The following PCED1A variants were observed in gnomAD, a reference collection of about 807,000 sequenced individuals.
PCED1A encodes the protein PC-esterase domain-containing protein 1A.
Under a neutral mutation model 41.9 loss-of-function variants are expected in PCED1A, and 20 were observed. The observed-to-expected ratio is 0.48, with a 90% CI of 0.34 to 0.69. The LOEUF (loss-of-function observed/expected upper bound fraction) is 0.69, where lower values mean the gene tolerates loss of function less well. Ranked by LOEUF, PCED1A falls within the 30% of genes least tolerant of loss-of-function variation. PCED1A has a pLI of 0.01. For missense variants in PCED1A, 498 were observed against 602.1 expected (o/e 0.83, Z 1.81); for synonymous variants, 236 against 241.3 (o/e 0.98, Z 0.20).
In PCED1A at chr20:2,840,216, C is replaced by A; in HGVS notation, c.-27G>T. ...CACCCGCTCGCGCCAATTACCAAGT[C>A]CCGGGGCTCCGCGGTGTTCACCCGC... On this transcript the variant is annotated 5_prime_UTR_variant, in exon 1 of 8. Transcript: ENST00000360652. 3.5e-6 allele frequency: 1 copy of A among 284,092 alleles called. No individual in the cohort carries two copies. The highest frequency in any genetic ancestry group is 6.5e-6 in the Non-Finnish European group (1 of 153,578). 17.6% of individuals were successfully genotyped at this position (284,092 alleles called of 1,614,324 possible).
chr20:2,836,408 G>T, intron 6 of PCED1A, 94 bp from the exon 7 acceptor site: 1 of 1,114,066 alleles, frequency 9.0e-7, no homozygotes. Context: ...CCTTCCTCTT[G>T]GAGAGCAGAG....
In PCED1A at chr20:2,840,351, C is replaced by T; in HGVS notation, c.-162G>A. ...TCGGTTCTGCAAAGCTCCCGCCCCG[C>T]AGAGACCGTGGGTCCAGGTTAGCCG... On this transcript the variant is annotated 5_prime_UTR_variant, in exon 1 of 8. Coordinates refer to ENST00000360652, the MANE Select transcript of PCED1A (RefSeq NM_022760.6). 3.6e-6 allele frequency: 1 copy of T among 276,690 alleles called. No individual in the cohort carries two copies. Among genetic ancestry groups the T allele is most frequent in the Non-Finnish European group, 6.9e-6 (1 of 145,758 alleles). The allele number at this position is 276,690 out of a possible 1,614,324, so 17.1% of individuals were successfully genotyped here.
intron 1 of PCED1A, 46 bp downstream of exon 1, chr20:2,840,165 G>C: frequency 2.7e-6 from 1 of 372,412 alleles, no homozygotes; most frequent in Non-Finnish European, 4.8e-6. Context: ...CTCGCCACGT[G>C]CCCGCCGCCG....
At chr20:2,836,802 C>G (rs1280930981) in intron 6 of PCED1A, among the ~76,000 whole-genome samples, 1 of 152,192 alleles carries the variant, frequency 6.6e-6, no homozygotes, top group African/African-American at 2.4e-5. Context: ...CTAACAAATT[C>G]CCTTCTTCTC....
At position 2,836,067 on chromosome 20, in the gene PCED1A, C is replaced by T. The variant is rs1273395272; in HGVS notation, c.1089G>A (p.Val363=). 1.3e-6 allele frequency: 2 copies of T among 1,504,370 alleles called. No homozygotes were observed. The highest frequency in any genetic ancestry group is 4.9e-5 in the East Asian group (2 of 41,060). 93.2% of individuals were successfully genotyped at this position (1,504,370 alleles called of 1,614,324 possible). A position where few individuals can be genotyped will look rare whatever the true frequency, so the allele number is the denominator to read the frequency against. ...PPHEFFNYNP[V]EDFSMPPHLG... is the part of the protein sequence containing the mutation. ...AGTGGGGTGGCATCGAGAAGTCCTC[C>T]ACTGGATTATAGTTGAAGAATTCAT... is the stretch of plus-strand genomic sequence containing the variant. Residue 363 remains valine (V), a synonymous_variant, in exon 7 of 8, where the codon GTG becomes GTA. Transcript: ENST00000360652.
rs1000677106 is a variant in PCED1A at position 2,840,464 on chromosome 20, A to T, written c.-275T>A. On this transcript the variant is annotated 5_prime_UTR_variant, in exon 1 of 8. Transcript: ENST00000360652. Reference sequence around the variant, plus strand: ...TCAGGCCTCGGCGCCTCGGGCTGCGACGCTCACAGCTTCCACTTCCGTTCA... The same window carrying T: ...TCAGGCCTCGGCGCCTCGGGCTGCGTCGCTCACAGCTTCCACTTCCGTTCA... The T allele has an allele frequency of 2.2e-6, 1 of 459,584 alleles. No individual in the cohort carries two copies. Among genetic ancestry groups the T allele is most frequent in the African/African-American group, 2.1e-5 (1 of 47,448 alleles). The allele number at this position is 459,584 out of a possible 1,614,324, so 28.5% of individuals were successfully genotyped here.
Position 2,835,523 on chromosome 20 carries a change from A to G in PCED1A, c.1304T>C (p.Leu435Pro). Residue 435 changes from leucine to proline, a missense_variant, in exon 8 of 8, where the codon CTG becomes CCG. Physicochemically the swap from Leu to Pro is moderately conservative, Grantham distance 98. Around this residue, in one of 2 missense-constraint regions of PCED1A, gnomAD observed 245 missense variants for 232.4 expected, o/e 1.05. Transcript: ENST00000360652. ...CRQRLRHSERLIHTYKLDRRP... is the reference protein window; with the variant it reads ...CRQRLRHSERPIHTYKLDRRP... ...TCTGTCCAGTTTGTATGTGTGGATCAGTCTCTCTGAGTGTCTGAGCCGCTG... is the reference window on the plus strand; with the variant it reads ...TCTGTCCAGTTTGTATGTGTGGATCGGTCTCTCTGAGTGTCTGAGCCGCTG... 1 of 1,613,978 alleles carries G rather than the reference A, an allele frequency of 6.2e-7. No homozygotes were observed. Among genetic ancestry groups the G allele is most frequent in the Admixed American group, 1.7e-5 (1 of 60,012 alleles).
chr20:2,836,629 A>G (rs2088840332), intron 6 of PCED1A, among the ~76,000 whole-genome samples: 1 of 152,148 alleles, frequency 6.6e-6, no homozygotes, highest in African/African-American at 2.4e-5. Flanking sequence ...AAATAAGCCA[A>G]ACATAAAGAT....
rs2088804601 is a variant in PCED1A, at chr20:2,835,438, T to C, written c.*24A>G. ...CAGGCCCTGAAGGGCCATTGGCACA[T>C]CCAGTCCCAGCCCAAGATCCAGTCT... On this transcript the variant is annotated 3_prime_UTR_variant, in exon 8 of 8. Transcript: ENST00000360652. 6.3e-7 allele frequency: 1 copy of C among 1,588,202 alleles called. No individual in the cohort carries two copies. The highest frequency in any genetic ancestry group is 1.7e-5 in the Admixed American group (1 of 58,834).
rs149287595 is a variant in PCED1A, at chr20:2,838,285, G to A, written c.788C>T (p.Thr263Ile). The change falls in exon 6 of 8, where the codon ACC becomes ATC. Residue 263 changes from threonine to isoleucine, a missense_variant. Around this residue, in one of 2 missense-constraint regions of PCED1A, gnomAD observed 253 missense variants for 369.7 expected, o/e 0.68. Coordinates refer to ENST00000360652, the MANE Select transcript of PCED1A (RefSeq NM_022760.6). The surrounding 1 kb of genome is among the most constrained non-coding windows in gnomAD (Gnocchi z 5.8). ...AHRHLSHLLL[T>I]HVADAWGVEL... is the part of the protein sequence containing the mutation. ...CACGCCCCAGGCGTCAGCCACATGG[G>A]TCAGAAGCAGGTGTGAGAGGTGGCG... 109 of 1,614,246 alleles carry A rather than the reference G, an allele frequency of 6.8e-5. 1 individual carries two copies. In the Middle Eastern group the frequency reaches 1.5e-3, roughly 22 times the overall value.
At chr20:2,840,978 G>A (rs2146631408), upstream of PCED1A, 1 of 732,526 alleles carries the variant, frequency 1.4e-6, no homozygotes, top group Non-Finnish European at 2.2e-6. Flanking sequence ...GCGCACAGCC[G>A]CCTTTGGGCA....
upstream of PCED1A, chr20:2,840,835 G>GCGCC: frequency 2.5e-5 from 38 of 1,523,730 alleles, no homozygotes; most frequent in Non-Finnish European, 2.7e-5. Context: ...CCGGTGAGCT[G>GCGCC]CCCCGCCCTC....
At position 2,835,378 on chromosome 20, in the gene PCED1A, A is replaced by G; in HGVS notation, c.*84T>C. ...AATGGACAAGAACAATACCAGGCAT[A>G]GCAGACACCCTAGCCCAGTACCTGA... is the stretch of plus-strand genomic sequence containing the variant. On this transcript the variant is annotated 3_prime_UTR_variant, in exon 8 of 8. Transcript: ENST00000360652. 1 of 1,478,636 alleles carries G rather than the reference A, an allele frequency of 6.8e-7. No homozygotes were observed. Among genetic ancestry groups the G allele is most frequent in the Non-Finnish European group, 9.1e-7 (1 of 1,103,042 alleles). The allele number at this position is 1,478,636 out of a possible 1,614,324, so 91.6% of individuals were successfully genotyped here.
chr20:2,835,670 G>A lies in PCED1A; in HGVS notation c.1157C>T (p.Pro386Leu), dbSNP rs1339029968. 6.3e-7 allele frequency: 1 copy of A among 1,584,620 alleles called. No homozygotes were observed. Among genetic ancestry groups the A allele is most frequent in the Non-Finnish European group, 8.6e-7 (1 of 1,160,500 alleles). Residue 386 changes from proline to leucine, a missense_variant, in exon 8 of 8, where the codon CCA (proline) becomes CTA (leucine). Physicochemically the swap from Pro to Leu is moderately conservative, Grantham distance 98. Coordinates refer to ENST00000360652, the MANE Select transcript of PCED1A (RefSeq NM_022760.6). ...GGGATTAGGGCCAGGGATTGGAGGT[G>A]GCAGAGGGCCAGGCACAAAGTTCAC... is the stretch of plus-strand genomic sequence containing the variant. ...PGVNFVPGPL[P>L]PPIPGPNPHG...
chr20:2,840,956 G>T, upstream of PCED1A: 1 of 887,352 alleles, frequency 1.1e-6, no homozygotes, highest in South Asian at 1.7e-5. Context: ...CTCCCCGAGC[G>T]TCTGCCACTT....
In PCED1A at chr20:2,839,885, G is replaced by A. The variant is rs963910735; in HGVS notation, c.28C>T (p.Pro10Ser). MVFCLSSEE[P>S]RRPLRSDMVH... is the part of the protein sequence containing the mutation. ...ATGTCGCTTCGCAGCGGGCGGCGCG[G>A]CTCCTCGCTCGACAGACAGAAGACC... The change falls in exon 2 of 8, where the codon CCG (proline) becomes TCG (serine). Residue 10 changes from proline to serine, a missense_variant. By Grantham distance (74) the Pro-to-Ser change is moderately conservative. Coordinates refer to ENST00000360652, the MANE Select transcript of PCED1A (RefSeq NM_022760.6). 8 of 1,613,206 alleles carry A rather than the reference G, an allele frequency of 5.0e-6. No individual in the cohort carries two copies. Among genetic ancestry groups the A allele is most frequent in the Admixed American group, 1.7e-5 (1 of 59,982 alleles).
At position 2,838,099 on chromosome 20, in the gene PCED1A, T is replaced by G; in HGVS notation, c.841+133A>C. Reference sequence around the variant, plus strand: ...AACCCTCCTCAGGGGTTGAGGAAGGTGCATGCAGAAGCCACAGGAGTCCTT... The same window carrying G: ...AACCCTCCTCAGGGGTTGAGGAAGGGGCATGCAGAAGCCACAGGAGTCCTT... On this transcript the variant is annotated intron_variant, in intron 6 of 7. Transcript: ENST00000360652. This position sits in a 1 kb window ranked among gnomAD's most constrained non-coding sequence, Gnocchi z 5.8. 7.5e-7 allele frequency: 1 copy of G among 1,325,866 alleles called. No homozygotes were observed. 82.1% of individuals were successfully genotyped at this position (1,325,866 alleles called of 1,614,324 possible). A position where few individuals can be genotyped will look rare whatever the true frequency, so the allele number is the denominator to read the frequency against.
Position 2,840,432 on chromosome 20 carries a change from C to T in PCED1A, c.-243G>A, listed in dbSNP as rs1412992295. 4.8e-5 allele frequency: 19 copies of T among 399,970 alleles called. No homozygotes were observed. Among genetic ancestry groups the T allele is most frequent in the Non-Finnish European group, 7.7e-5 (17 of 221,376 alleles). The allele number at this position is 399,970 out of a possible 1,614,324, so 24.8% of individuals were successfully genotyped here. A position where few individuals can be genotyped will look rare whatever the true frequency, so the allele number is the denominator to read the frequency against. ...CATGCGAGCGTCGCTGTGGCCCCGA[C>T]GGCGCCTCAGGCCTCGGCGCCTCGG... On this transcript the variant is annotated 5_prime_UTR_variant, in exon 1 of 8. Transcript: ENST00000360652.
chr20:2,835,795 G>A lies in PCED1A; in HGVS notation c.1118-86C>T. 2.7e-6 allele frequency: 4 copies of A among 1,502,974 alleles called. No homozygotes were observed. The South Asian group carries it at 5.5e-5, about 21-fold the overall frequency. The allele number at this position is 1,502,974 out of a possible 1,614,324, so 93.1% of individuals were successfully genotyped here. A position where few individuals can be genotyped will look rare whatever the true frequency, so the allele number is the denominator to read the frequency against. ...TTGAAGCAACTCTTGTCCTCCAGGT[G>A]AGCTTCTCTGTTTCCCTATCTACAA... On this transcript the variant is annotated intron_variant, in intron 7 of 7. Coordinates refer to ENST00000360652, the MANE Select transcript of PCED1A (RefSeq NM_022760.6).
Sources: allele counts gnomAD v4.1 joint callset (sites outside exome capture counted in the v4.1 genomes callset), GRCh38; gene constraint gnomAD v4.1.1; regional missense constraint gnomAD v4.1.1; non-coding constraint Gnocchi (gnomAD v3.1); transcripts MANE v1.5; gene names NCBI Gene and HGNC (gene_info 2026-07-23, HGNC 2026-07-21).